Variants in SPAG16 observed in about 807,000 individuals in gnomAD.
SPAG16 encodes the protein sperm-associated antigen 16 protein.
SPAG16 carries 86 observed loss-of-function variants against 80.4 expected under a neutral mutation model. That is an observed-to-expected ratio of 1.07 (90% CI 0.90 to 1.28). SPAG16 has a LOEUF of 1.28. Ranked by LOEUF, SPAG16 falls within the 50% of genes most tolerant of loss-of-function variation. SPAG16 has a pLI of 0.00. For synonymous variants in SPAG16, 294 were observed against 265.9 expected, an observed-to-expected ratio of 1.11 and a Z score of -1.03; for missense variants, 870 against 765.3, an observed-to-expected ratio of 1.14 and a Z score of -1.61.
intron 13 of SPAG16, among the ~76,000 whole-genome samples, chr2:214,059,208 ATATATATGTATGTG>A (rs1351167831): frequency 4.4e-4 from 39 of 88,098 alleles, no homozygotes; most frequent in African/African-American, 1.7e-3. Flanking sequence ...ATATATATAT[ATATATATGTATGTG>A]TATATATATA....
chr2:213,579,622 C>A (rs757400198), intron 10 of SPAG16, among the ~76,000 whole-genome samples: 2 of 151,976 alleles, frequency 1.3e-5, no homozygotes, highest in Non-Finnish European at 2.9e-5. Flanking sequence ...AGGAGTAATT[C>A]TCATTTGTGT....
At chr2:213,780,837 TA>T (rs2069912857) in intron 10 of SPAG16, among the ~76,000 whole-genome samples, 1 of 152,112 alleles carries the variant, frequency 6.6e-6, no homozygotes, top group Non-Finnish European at 1.5e-5. Context: ...TTGGCAATGA[TA>T]AAACTAAAAC....
chr2:214,398,738 G>C (rs1382060427), intron 15 of SPAG16, among the ~76,000 whole-genome samples: 1 of 152,204 alleles, frequency 6.6e-6, no homozygotes, highest in Non-Finnish European at 1.5e-5. Context: ...TTATTTAGCA[G>C]TTCATGTAGC....
Position 213,851,341 on chromosome 2 carries a change from C to T in SPAG16, c.1071-11144C>T, listed in dbSNP as rs527439094. 2.0e-4 allele frequency among the ~76,000 whole-genome samples: 30 copies of T among 152,172 alleles called. No homozygotes were observed. The South Asian group carries it at 5.6e-3, about 28-fold the overall frequency. ...CCTGACCAACATGATGAAACCCCAT[C>T]TCTACTAAAATACAAAAATGAGGCG... On this transcript the variant is annotated intron_variant, in intron 10 of 15. Coordinates refer to ENST00000331683, the MANE Select transcript of SPAG16 (RefSeq NM_024532.5).
chr2:214,338,882 C>T (rs956967523), intron 15 of SPAG16, among the ~76,000 whole-genome samples: 5 of 152,132 alleles, frequency 3.3e-5, no homozygotes, highest in African/African-American at 1.2e-4. Flanking sequence ...CTTTGGACAA[C>T]TTTGAACTAA....
chr2:214,319,200 C>CCACACACCACACACACACACACACACACA (rs1695913507), intron 15 of SPAG16, among the ~76,000 whole-genome samples: 17 of 142,340 alleles, frequency 1.2e-4, no homozygotes, highest in African/African-American at 3.9e-4. Flanking sequence ...CACACACACA[C>CCACACACCACACACACACACACACACACA]CACACACACA....
At chr2:213,939,710 G>C (rs1250759672) in intron 12 of SPAG16, among the ~76,000 whole-genome samples, 1 of 152,036 alleles carries the variant, frequency 6.6e-6, no homozygotes, top group African/African-American at 2.4e-5. Flanking sequence ...TTTATTTTGG[G>C]GTTATTGTGT....
intron 11 of SPAG16, among the ~76,000 whole-genome samples, chr2:213,900,367 A>G (rs1447165849): frequency 6.6e-6 from 1 of 152,146 alleles, no homozygotes; most frequent in Non-Finnish European, 1.5e-5. Context: ...AATATCTCGG[A>G]ACGACTGTGA....
At chr2:214,169,287 A>C (rs548565912) in intron 15 of SPAG16, among the ~76,000 whole-genome samples, 1 of 152,188 alleles carries the variant, frequency 6.6e-6, no homozygotes, top group African/African-American at 2.4e-5. Context: ...TTAACTCCCC[A>C]TTTTGTGTTA....
intron 9 of SPAG16, among the ~76,000 whole-genome samples, chr2:213,454,799 C>A (rs1404430655): frequency 6.6e-6 from 1 of 152,044 alleles, no homozygotes; most frequent in Non-Finnish European, 1.5e-5. Flanking sequence ...TAATGCACAC[C>A]CAAAGCTAAA....
chr2:214,128,737 G>C (rs1054242310), intron 14 of SPAG16, among the ~76,000 whole-genome samples: 1 of 151,784 alleles, frequency 6.6e-6, no homozygotes, highest in Admixed American at 6.7e-5. Context: ...ATTACCTAGT[G>C]CCTCATAAAT....
At chr2:213,318,622 C>A (rs1481309779) in intron 5 of SPAG16, among the ~76,000 whole-genome samples, 3 of 151,750 alleles carry the variant, frequency 2.0e-5, no homozygotes, top group African/African-American at 7.3e-5. Context: ...TGCACTTTTA[C>A]CCCTTAATCT....
chr2:214,343,278 G>T (rs1415104540), intron 15 of SPAG16, among the ~76,000 whole-genome samples: 2 of 152,080 alleles, frequency 1.3e-5, no homozygotes, highest in African/African-American at 4.8e-5. Flanking sequence ...TACACAAATG[G>T]AGTTGCCAAA....
At chr2:214,408,337 A>G (rs1702112882) in intron 15 of SPAG16, among the ~76,000 whole-genome samples, 1 of 152,168 alleles carries the variant, frequency 6.6e-6, no homozygotes, top group African/African-American at 2.4e-5. Context: ...AGTCACAAAC[A>G]GCAATTGCCT....
At chr2:214,092,808 G>A (rs1220787012) in intron 13 of SPAG16, among the ~76,000 whole-genome samples, 3 of 151,980 alleles carry the variant, frequency 2.0e-5, no homozygotes, top group South Asian at 2.1e-4. Flanking sequence ...TGGGAGCTAA[G>A]GGAGATGGCA....
At chr2:213,976,133 T>TACACACACAC (rs748686035) in intron 12 of SPAG16, among the ~76,000 whole-genome samples, 1 of 120,712 alleles carries the variant, frequency 8.3e-6, no homozygotes, top group African/African-American at 3.6e-5. Flanking sequence ...TATATATATA[T>TACACACACAC]ATACACACAC....
intron 15 of SPAG16, among the ~76,000 whole-genome samples, chr2:214,258,473 A>G (rs180955806): frequency 0.061 from 8,677 of 142,196 alleles, 906 homozygotes; most frequent in African/African-American, 0.22. Context: ...GTGTGTGTGT[A>G]TATATATATA....
chr2:213,983,783 G>A (rs1441504490), intron 12 of SPAG16, among the ~76,000 whole-genome samples: 1 of 151,978 alleles, frequency 6.6e-6, no homozygotes, highest in East Asian at 1.9e-4. Flanking sequence ...TGTTGAAGAA[G>A]CCCATTACCT....
Position 213,693,805 on chromosome 2 carries a change from C to A in SPAG16, c.1071-168680C>A, listed in dbSNP as rs1365239986. On this transcript the variant is annotated intron_variant, in intron 10 of 15. Transcript: ENST00000331683. Reference sequence around the variant, plus strand: ...AGCTTTGATTCAAAGAAGCCAAAATCAAATGCTATGGGGCCTGGAACATGG... The same window carrying A: ...AGCTTTGATTCAAAGAAGCCAAAATAAAATGCTATGGGGCCTGGAACATGG... 2.0e-5 allele frequency among the ~76,000 whole-genome samples: 3 copies of A among 152,186 alleles called. No individual in the cohort carries two copies. In the East Asian group the frequency reaches 5.8e-4, roughly 29 times the overall value.
Sources: allele counts gnomAD v4.1 joint callset (sites outside exome capture counted in the v4.1 genomes callset), GRCh38; gene constraint gnomAD v4.1.1; transcripts MANE v1.5; gene names NCBI Gene and HGNC (gene_info 2026-07-23, HGNC 2026-07-21).